Variants in EIF2AK4 observed in about 807,000 individuals in gnomAD.
EIF2AK4 encodes the protein eukaryotic translation initiation factor 2 alpha kinase 4.
Under a neutral mutation model 211.1 loss-of-function variants are expected in EIF2AK4, and 139 were observed. That is an observed-to-expected ratio of 0.66 (90% confidence interval 0.57 to 0.76). The LOEUF (loss-of-function observed/expected upper bound fraction) is 0.76. EIF2AK4 is among the 30% of genes least tolerant of loss of function. EIF2AK4 has a pLI of 0.00. For missense variants in EIF2AK4, 1,664 were observed against 2,043.8 expected (o/e 0.81, Z 3.58); for synonymous variants, 710 against 751.3 (o/e 0.94, Z 0.90).
rs991018143 is a variant in EIF2AK4, at chr15:40,001,002, C to T, written c.2937C>T (p.Ser979=). ...GEHAKQKSVI[S]WLLNHDPAKR... is the part of the protein sequence containing the mutation. ...TTTTATTGTAGAAATCAGTCATCTC[C>T]TGGCTGTTGAACCACGATCCAGCAA... Residue 979 remains serine, a synonymous_variant, in exon 21 of 39, where the codon TCC becomes TCT. Transcript: ENST00000263791. 6.2e-7 allele frequency: 1 copy of T among 1,614,088 alleles called. No individual in the cohort carries two copies. Among genetic ancestry groups the T allele is most frequent in the Non-Finnish European group, 8.5e-7 (1 of 1,180,046 alleles).
At chr15:40,034,285 C>A (rs764039962) in intron 37 of EIF2AK4, 41 bp from the exon 38 acceptor site, 1 of 1,533,932 alleles carries the variant, frequency 6.5e-7, no homozygotes, top group Non-Finnish European at 9.0e-7. Context: ...GCTAGTAAAC[C>A]CTAGAGACCT....
chr15:39,944,426 C>T (rs1190388343), intron 3 of EIF2AK4, among the ~76,000 whole-genome samples: 1 of 126,930 alleles, frequency 7.9e-6, no homozygotes, highest in African/African-American at 3.3e-5. Flanking sequence ...TTATGTTTAA[C>T]GATCTCTTTT....
At chr15:39,960,749 C>G (rs567074301) in intron 6 of EIF2AK4, among the ~76,000 whole-genome samples, 2 of 152,160 alleles carry the variant, frequency 1.3e-5, no homozygotes, top group African/African-American at 4.8e-5. Context: ...AGACTAAGAT[C>G]CCAGAGGAGA....
chr15:39,970,261 A>C (rs2034605062), intron 9 of EIF2AK4, among the ~76,000 whole-genome samples: 1 of 152,226 alleles, frequency 6.6e-6, no homozygotes, highest in Admixed American at 6.5e-5. Flanking sequence ...GTTCATTTTT[A>C]AAGTGAGATC....
intron 31 of EIF2AK4, 143 bp downstream of exon 31, chr15:40,021,170 T>G: frequency 3.2e-6 from 3 of 937,204 alleles, no homozygotes; most frequent in Non-Finnish European, 4.5e-6. Flanking sequence ...ATTGCTGCAG[T>G]AACCAATTAC....
intron 1 of EIF2AK4, among the ~76,000 whole-genome samples, chr15:39,937,128 T>G (rs2034076449): frequency 6.6e-6 from 1 of 152,208 alleles, no homozygotes. Context: ...TACTAACTTA[T>G]TTTGGCTAGC....
intron 13 of EIF2AK4, among the ~76,000 whole-genome samples, chr15:39,979,404 GA>G (rs910480238): frequency 2.0e-5 from 3 of 152,166 alleles, no homozygotes; most frequent in African/African-American, 7.2e-5. Flanking sequence ...ATGCTCATCA[GA>G]AAAATCTGTT....
intron 23 of EIF2AK4, among the ~76,000 whole-genome samples, chr15:40,003,695 C>G (rs2035122958): frequency 6.6e-6 from 1 of 152,188 alleles, no homozygotes; most frequent in Non-Finnish European, 1.5e-5. Flanking sequence ...ATGTTAATGC[C>G]TAGAACAGTT....
In EIF2AK4 at chr15:39,953,965, G is replaced by A. The variant is rs752299551; in HGVS notation, c.575G>A (p.Arg192Lys). The A allele has an allele frequency of 3.8e-6, 6 of 1,599,570 alleles. No individual in the cohort carries two copies. The South Asian group carries it at 6.7e-5, about 18-fold the overall frequency. ...RKEEIKEEKK[R>K]KEMAKQERLE... ...GAAGAGATAAAAGAAGAGAAAAAAA[G>A]GAAAGAAATGGCTAAGCAGGTACCC... The change falls in exon 5 of 39, where the codon AGG (arginine) becomes AAG (lysine). Residue 192 changes from arginine to lysine, a missense_variant. Arg to Lys is a conservative substitution (Grantham distance 26). This residue lies in a region of EIF2AK4 where 641 missense variants were observed against 729.6 expected (regional missense o/e 0.88). Transcript: ENST00000263791.
At position 40,011,899 on chromosome 15, in the gene EIF2AK4, G is replaced by A. The variant is rs539330287; in HGVS notation, c.3759+553G>A. The stretch of plus-strand genomic sequence containing the variant: ...TAAACAGTTTGGTCATATTCTCTCT[G>A]TAGGCATCAGATTGATCCCAGATCT... On this transcript the variant is annotated intron_variant, in intron 27 of 38. Transcript: ENST00000263791. Among the ~76,000 whole-genome samples, 19 of 152,292 alleles carry A rather than the reference G, an allele frequency of 1.2e-4. No individual in the cohort carries two copies. The South Asian group carries it at 2.1e-3, about 17-fold the overall frequency.
At chr15:40,010,617 C>A (rs1362814690) in intron 26 of EIF2AK4, among the ~76,000 whole-genome samples, 2 of 37,856 alleles carry the variant, frequency 5.3e-5, no homozygotes, top group African/African-American at 1.8e-4. Context: ...GATGTAAGAA[C>A]TAACAGCACC....
At chr15:39,958,006 G>A (rs1251346366) in intron 6 of EIF2AK4, among the ~76,000 whole-genome samples, 1 of 152,230 alleles carries the variant, frequency 6.6e-6, no homozygotes, top group Non-Finnish European at 1.5e-5. Context: ...TTTTGTTGAA[G>A]AACTTTATTT....
chr15:39,993,056 CCA>C (rs2034967875), intron 18 of EIF2AK4, among the ~76,000 whole-genome samples: 11 of 113,324 alleles, frequency 9.7e-5, no homozygotes, highest in African/African-American at 3.1e-4. Context: ...ATCCATCCAT[CCA>C]TCCATCCATC....
At chr15:39,942,412 TTCTC>T (rs2034157731) in intron 2 of EIF2AK4, among the ~76,000 whole-genome samples, 1 of 152,146 alleles carries the variant, frequency 6.6e-6, no homozygotes, top group Non-Finnish European at 1.5e-5. Context: ...ATAGACTACT[TTCTC>T]TCAGATTTCT....
At chr15:39,954,260 TTC>T (rs1461461301) in intron 5 of EIF2AK4, among the ~76,000 whole-genome samples, 2 of 152,212 alleles carry the variant, frequency 1.3e-5, no homozygotes, top group Non-Finnish European at 2.9e-5. Context: ...ACTAAAATTG[TTC>T]TTTTTTTTGA....
At position 39,992,551 on chromosome 15, in the gene EIF2AK4, C is replaced by G. The variant is rs184699319; in HGVS notation, c.2687-218C>G. The G allele has an allele frequency of 4.8e-5, 28 of 589,020 alleles. No homozygotes were observed. The East Asian group carries it at 6.9e-4, about 14-fold the overall frequency. 36.5% of individuals were successfully genotyped at this position (589,020 alleles called of 1,614,324 possible). On this transcript the variant is annotated intron_variant, in intron 17 of 38. Coordinates refer to ENST00000263791, the MANE Select transcript of EIF2AK4 (RefSeq NM_001013703.4). ...TGGGGTCTTATCTGGCACTGTCCCT[C>G]CTCTTCAATAGCAAAGACATCCTTG...
At chr15:39,942,132 C>CA (rs1176754216) in intron 2 of EIF2AK4, among the ~76,000 whole-genome samples, 8 of 151,978 alleles carry the variant, frequency 5.3e-5, no homozygotes, top group Non-Finnish European at 1.0e-4. Flanking sequence ...TAAATTATAA[C>CA]AAAAATCTTA....
Position 39,976,819 on chromosome 15 carries a change from G to A in EIF2AK4, c.2224G>A (p.Gly742Ser). ...CGAGGACGACGACGAGGACGAGCACGGTGGCGTCTTCTCCCAGTCCTTCCT... is the reference window on the plus strand; with the variant it reads ...CGAGGACGACGACGAGGACGAGCACAGTGGCGTCTTCTCCCAGTCCTTCCT... ...DDEDDDEDEH[G>S]GVFSQSFLPA... is the part of the protein sequence containing the mutation. The change falls in exon 12 of 39, where the codon GGT (glycine) becomes AGT (serine). Residue 742 changes from glycine (G) to serine (S), a missense_variant. Coordinates refer to ENST00000263791, the MANE Select transcript of EIF2AK4 (RefSeq NM_001013703.4). 1 of 1,548,610 alleles carries A rather than the reference G, an allele frequency of 6.5e-7. No homozygotes were observed. Among genetic ancestry groups the A allele is most frequent in the Non-Finnish European group, 8.7e-7 (1 of 1,148,864 alleles).
In EIF2AK4 at chr15:39,990,363, C is replaced by A. The variant is rs759895388; in HGVS notation, c.2617C>A (p.His873Asn). The A allele has an allele frequency of 1.9e-6, 3 of 1,613,776 alleles. No homozygotes were observed. In the African/African-American group the frequency reaches 4.0e-5, roughly 22 times the overall value. ...KIGDFGLATD[H>N]LAFSADSKQD... ...AGGTGATTTTGGTTTGGCGACAGACCATCTAGCCTTTTCTGTAAGTATTTT... is the reference window on the plus strand; with the variant it reads ...AGGTGATTTTGGTTTGGCGACAGACAATCTAGCCTTTTCTGTAAGTATTTT... The change falls in exon 16 of 39, where the codon CAT (histidine) becomes AAT (asparagine). Residue 873 changes from histidine to asparagine, a missense_variant. Around this residue, in one of 7 missense-constraint regions of EIF2AK4, gnomAD observed 622 missense variants for 796.8 expected, o/e 0.78. Coordinates refer to ENST00000263791, the MANE Select transcript of EIF2AK4 (RefSeq NM_001013703.4).
Sources: allele counts gnomAD v4.1 joint callset (sites outside exome capture counted in the v4.1 genomes callset), GRCh38; gene constraint gnomAD v4.1.1; regional missense constraint gnomAD v4.1.1; transcripts MANE v1.5; gene names NCBI Gene and HGNC (gene_info 2026-07-23, HGNC 2026-07-21).